OR51B5: variants seen among roughly 807,000 people sequenced by gnomAD.
The protein encoded by OR51B5 is olfactory receptor family 51 subfamily B member 5.
For missense variants in OR51B5, 456 were observed against 374.6 expected, an observed-to-expected ratio of 1.22 and a Z score of -1.79; for synonymous variants, 186 against 144.8, an observed-to-expected ratio of 1.28 and a Z score of -2.04.
rs553559127 is a variant in OR51B5 at position 5,486,604 on chromosome 11, AGCACACAATGG to A, written n.84+18954_84+18964del. ...CTAAGTTTGCCTAAGACATCTACAG[AGCACACAATGG>A]GCATCCCCGCCCCTGCATTCATCAT... On this transcript the variant is annotated intron_variant and non_coding_transcript_variant, in intron 1 of 4. Transcript: ENST00000415970. Among the ~76,000 whole-genome samples, 132 of 152,304 alleles carry A rather than the reference AGCACACAATGG, an allele frequency of 8.7e-4. 1 individual carries two copies. Among genetic ancestry groups the A allele is most frequent in the African/African-American group, 3.0e-3 (125 of 41,566 alleles).
At position 5,353,170 on chromosome 11, in the gene OR51B5, A is replaced by G. The variant is rs114398603; in HGVS notation, n.85-6260T>C. 6.8e-3 allele frequency among the ~76,000 whole-genome samples: 1,039 copies of G among 152,200 alleles called. 15 individuals are homozygous for G. Among genetic ancestry groups the G allele is most frequent in the African/African-American group, 0.02 (847 of 41,542 alleles). On this transcript the variant is annotated intron_variant and non_coding_transcript_variant, in intron 1 of 4. Transcript: ENST00000415970. ...CAATTACTTTCTTCAATGAGGGTAA[A>G]CCATTTCCCTCAATTCAAAATGATG...
chr11:5,357,465 G>A (rs1179875679), intron 1 of OR51B5, among the ~76,000 whole-genome samples: 1 of 151,962 alleles, frequency 6.6e-6, no homozygotes, highest in South Asian at 2.1e-4. Flanking sequence ...GGAACACCCA[G>A]GTTCATAAAG....
At position 5,432,311 on chromosome 11, in the gene OR51B5, A is replaced by G. The variant is rs547381534; in HGVS notation, n.84+73258T>C. The stretch of plus-strand genomic sequence containing the variant: ...ATCTTGTGAAAGACAGCATAGCTTA[A>G]AAATTAAGAGCAGAAACTTTGGAAT... On this transcript the variant is annotated intron_variant and non_coding_transcript_variant, in intron 1 of 4. Coordinates refer to the OR51B5 transcript ENST00000415970. 2.0e-5 allele frequency among the ~76,000 whole-genome samples: 3 copies of G among 152,278 alleles called. No individual in the cohort carries two copies. In the South Asian group the frequency reaches 6.2e-4, roughly 32 times the overall value.
At chr11:5,446,353 G>A (rs1027939292) in intron 1 of OR51B5, among the ~76,000 whole-genome samples, 1 of 151,934 alleles carries the variant, frequency 6.6e-6, no homozygotes, top group Non-Finnish European at 1.5e-5. Flanking sequence ...TAGAATTTAG[G>A]TCATAAGTAT....
rs1850377292 is a variant in OR51B5 at position 5,422,966 on chromosome 11, C to T, written n.85-76056G>A. 5 of 1,614,086 alleles carry T rather than the reference C, an allele frequency of 3.1e-6. No individual in the cohort carries two copies. In the South Asian group the frequency reaches 5.5e-5, roughly 18 times the overall value. ...TCTAGCTGTCCTGGTCCTCTACATT[C>T]CCATGGTTGGTGTATCTATGACTCA... On this transcript the variant is annotated intron_variant and non_coding_transcript_variant, in intron 1 of 4. Transcript: ENST00000415970.
intron 1 of OR51B5, among the ~76,000 whole-genome samples, chr11:5,361,112 CA>C (rs1849277677): frequency 6.6e-6 from 1 of 151,588 alleles, no homozygotes; most frequent in Non-Finnish European, 1.5e-5. Flanking sequence ...GCACGTTGTG[CA>C]AATGTACCCT....
At chr11:5,401,900 C>CT (rs1412014528) in intron 1 of OR51B5, among the ~76,000 whole-genome samples, 1 of 140,866 alleles carries the variant, frequency 7.1e-6, no homozygotes, top group African/African-American at 2.8e-5. Context: ...TCCTTCCTTC[C>CT]TTTTCTTTCT....
At chr11:5,433,185 T>C (rs937286998) in intron 1 of OR51B5, among the ~76,000 whole-genome samples, 5 of 152,004 alleles carry the variant, frequency 3.3e-5, no homozygotes, top group African/African-American at 1.2e-4. Context: ...TAACCAAGAA[T>C]ATATGCAAAG....
At chr11:5,491,824 AC>A (rs1211600117) in intron 1 of OR51B5, among the ~76,000 whole-genome samples, 1 of 152,228 alleles carries the variant, frequency 6.6e-6, no homozygotes, top group African/African-American at 2.4e-5. Context: ...TTACCTATGC[AC>A]TAAAAAGAAA....
intron 1 of OR51B5, among the ~76,000 whole-genome samples, chr11:5,399,355 A>T (rs2647561): frequency 0.37 from 55,690 of 151,994 alleles, 10,289 homozygotes; most frequent in South Asian, 0.42. Flanking sequence ...CCTGAAAGAG[A>T]TATAGAGTGG....
chr11:5,343,864 G>A (rs1356486258), upstream of OR51B5, among the ~76,000 whole-genome samples: 1 of 152,110 alleles, frequency 6.6e-6, no homozygotes, highest in Non-Finnish European at 1.5e-5. Flanking sequence ...TAAAGAATTC[G>A]TATTCTATGG....
At chr11:5,439,778 G>C (rs1171700912) in intron 1 of OR51B5, among the ~76,000 whole-genome samples, 1 of 152,114 alleles carries the variant, frequency 6.6e-6, no homozygotes, top group South Asian at 2.1e-4. Flanking sequence ...TCTAATACCT[G>C]AGTGCTGTCA....
At chr11:5,347,394 G>A (rs759227752), upstream of OR51B5, among the ~76,000 whole-genome samples, 24 of 152,116 alleles carry the variant, frequency 1.6e-4, no homozygotes, top group Non-Finnish European at 2.1e-4. Context: ...AGTACCCAAC[G>A]TGAACGCACA....
At chr11:5,503,741 C>T (rs1044413795) in intron 1 of OR51B5, among the ~76,000 whole-genome samples, 4 of 151,886 alleles carry the variant, frequency 2.6e-5, no homozygotes, top group African/African-American at 4.8e-5. Context: ...ATGGTAATGA[C>T]GACATTTCAG....
chr11:5,397,344 A>C (rs1262576619), intron 1 of OR51B5, among the ~76,000 whole-genome samples: 1 of 152,230 alleles, frequency 6.6e-6, no homozygotes, highest in East Asian at 1.9e-4. Flanking sequence ...CAATGAACTC[A>C]AACAAATTTA....
At chr11:5,358,055 G>C (rs1392545882) in intron 1 of OR51B5, among the ~76,000 whole-genome samples, 2 of 151,660 alleles carry the variant, frequency 1.3e-5, no homozygotes, top group Non-Finnish European at 2.9e-5. Context: ...ATCTAAAATT[G>C]ACACCCTAAC....
At chr11:5,413,324 C>T (rs1010286809) in intron 1 of OR51B5, among the ~76,000 whole-genome samples, 2 of 151,938 alleles carry the variant, frequency 1.3e-5, no homozygotes, top group African/African-American at 4.8e-5. Context: ...GATAAAACCA[C>T]AAAGATGGGG....
intron 1 of OR51B5, chr11:5,351,764 A>C: frequency 1.9e-6 from 3 of 1,614,076 alleles, no homozygotes; most frequent in Middle Eastern, 1.7e-4. Context: ...CTGTGGTTAG[A>C]TCACAGGGAG....
chr11:5,446,329 T>C (rs1850763456), intron 1 of OR51B5, among the ~76,000 whole-genome samples: 1 of 151,890 alleles, frequency 6.6e-6, no homozygotes, highest in Middle Eastern at 3.2e-3. Context: ...TCAAGGATAA[T>C]AAAATATTCA....
Sources: gnomAD v4.1 joint callset for allele counts (sites outside exome capture counted in the v4.1 genomes callset) on GRCh38, gnomAD v4.1.1 for gene constraint, MANE v1.5 for transcripts, NCBI Gene and HGNC (gene_info 2026-07-23, HGNC 2026-07-21) for gene names.